The following NFATC2 variants were observed in gnomAD, a reference collection of about 807,000 sequenced individuals.
NFATC2 encodes nuclear factor of activated T cells 2, also known as nuclear factor of activated T-cells, cytoplasmic 2.
A neutral mutation model predicts 87.3 loss-of-function variants in NFATC2; 22 were observed. The observed-to-expected ratio is 0.25, with a 90% CI of 0.18 to 0.36. The LOEUF is 0.36. Ranked by LOEUF, NFATC2 falls within the 10% of genes least tolerant of loss-of-function variation. NFATC2 has a pLI of 1.00. For synonymous variants in NFATC2, 565 were observed against 542.2 expected (o/e 1.04, Z -0.58); for missense variants, 1,149 against 1,259.1 (o/e 0.91, Z 1.32).
At chr20:51,397,828 T>A (rs1987413766) in intron 10 of NFATC2, among the ~76,000 whole-genome samples, 1 of 152,200 alleles carries the variant, frequency 6.6e-6, no homozygotes, top group Non-Finnish European at 1.5e-5. Context: ...GGGCACTGTG[T>A]GTGCTGGTTT....
chr20:51,419,638 C>CCT (rs1980573183), intron 9 of NFATC2, among the ~76,000 whole-genome samples: 1 of 152,174 alleles, frequency 6.6e-6, no homozygotes, highest in Non-Finnish European at 1.5e-5. Flanking sequence ...GTTACAGCAG[C>CCT]CTCTACATCC....
rs764679291 is a variant in NFATC2 at position 51,542,544 on chromosome 20, C to A, written c.-45G>T. 4 of 1,341,762 alleles carry A rather than the reference C, an allele frequency of 3.0e-6. No individual in the cohort carries two copies. The Admixed American group carries it at 1.3e-4, about 42-fold the overall frequency. 83.1% of individuals were successfully genotyped at this position (1,341,762 alleles called of 1,614,324 possible). ...CTGCGGGGCCGGGGGCGAGGGCGGG[C>A]GCGGCTGGCTCTGGGACCCCTCGCA... On this transcript the variant is annotated 5_prime_UTR_variant, in exon 1 of 11. Coordinates refer to ENST00000371564, the MANE Select transcript of NFATC2 (RefSeq NM_012340.5).
intron 5 of NFATC2, 41 bp downstream of exon 5, chr20:51,473,939 A>G (rs1400030142): frequency 8.1e-6 from 13 of 1,602,184 alleles, no homozygotes; most frequent in Non-Finnish European, 1.1e-5. Context: ...CACGTGCCCT[A>G]CGCTTTCTGA....
At chr20:51,539,372 C>G (rs1465163604) in intron 1 of NFATC2, among the ~76,000 whole-genome samples, 1 of 152,184 alleles carries the variant, frequency 6.6e-6, no homozygotes, top group East Asian at 1.9e-4. Flanking sequence ...TCCCACCATA[C>G]AGAAGCAAAG....
intron 9 of NFATC2, among the ~76,000 whole-genome samples, chr20:51,421,853 T>C (rs1414670346): frequency 6.6e-6 from 1 of 150,670 alleles, no homozygotes; most frequent in Non-Finnish European, 1.5e-5. Flanking sequence ...TTCCAAGTGC[T>C]GAAGCAGACC....
rs755462839 is a variant in NFATC2 at position 51,524,099 on chromosome 20, C to T, written c.142G>A (p.Ala48Thr). ...GAGGGTGGGCTGGCGACCTTATGTG[C>T]ATTCGGCTCTTCTGGAAAGAGAAGG... The part of the protein sequence containing the change: ...YLNPNEEEPN[A>T]HKVASPPSGP... Residue 48 changes from alanine (A) to threonine (T), a missense_variant, in exon 2 of 11, where the codon GCA (alanine) becomes ACA (threonine). By Grantham distance (58) the Ala-to-Thr change is moderately conservative. Coordinates refer to ENST00000371564, the MANE Select transcript of NFATC2 (RefSeq NM_012340.5). This position sits in a 1 kb window ranked among gnomAD's most constrained non-coding sequence, Gnocchi z 4.0. The T allele has an allele frequency of 1.4e-6, 2 of 1,460,226 alleles. No homozygotes were observed. The highest frequency in any genetic ancestry group is 1.8e-6 in the Non-Finnish European group (2 of 1,108,942). 90.5% of individuals were successfully genotyped at this position (1,460,226 alleles called of 1,614,324 possible).
intron 9 of NFATC2, among the ~76,000 whole-genome samples, chr20:51,410,551 G>A (rs929258581): frequency 6.9e-6 from 1 of 145,192 alleles, no homozygotes; most frequent in Admixed American, 6.8e-5. Flanking sequence ...AGGAAGAGAG[G>A]GAGAGAAAGA....
intron 3 of NFATC2, among the ~76,000 whole-genome samples, chr20:51,491,918 A>C (rs1467617284): frequency 6.3e-4 from 57 of 89,992 alleles, no homozygotes; most frequent in Middle Eastern, 6.4e-3. Context: ...ACACACACAC[A>C]CCCCTTGCCC....
At chr20:51,514,854 C>T (rs2076326385) in intron 3 of NFATC2, among the ~76,000 whole-genome samples, 1 of 152,188 alleles carries the variant, frequency 6.6e-6, no homozygotes, top group Non-Finnish European at 1.5e-5. Context: ...GCCTGTGTGA[C>T]AGAGTGATAG....
chr20:51,432,392 G>A lies in NFATC2; in HGVS notation c.2397C>T (p.His799=), dbSNP rs775340355. The change falls in exon 9 of 11, where the codon CAC becomes CAT. Residue 799 remains histidine, a synonymous_variant. Coordinates refer to ENST00000371564, the MANE Select transcript of NFATC2 (RefSeq NM_012340.5). The surrounding 1 kb of genome is among the most constrained non-coding windows in gnomAD (Gnocchi z 4.6). ...AGGCCTGCTGGTTGGTCGGAGAGGG[G>A]TGGAGCAGGGCTGAGCTCTGGCCCT... The part of the protein sequence containing the change: ...GSQGQSSALL[H]PSPTNQQASP... The A allele has an allele frequency of 2.5e-6, 4 of 1,608,452 alleles. No individual in the cohort carries two copies. The East Asian group carries it at 6.7e-5, about 27-fold the overall frequency.
At chr20:51,403,709 T>G (rs536685809) in intron 9 of NFATC2, among the ~76,000 whole-genome samples, 2 of 152,128 alleles carry the variant, frequency 1.3e-5, no homozygotes, top group Middle Eastern at 3.4e-3. Context: ...GAGAACACAA[T>G]GGGAGAAAAG....
chr20:51,426,980 T>C (rs1017311214), intron 9 of NFATC2, among the ~76,000 whole-genome samples: 2 of 152,186 alleles, frequency 1.3e-5, no homozygotes, highest in Non-Finnish European at 2.9e-5. Context: ...CACACATCAA[T>C]ATACTCTCTC....
In NFATC2 at chr20:51,523,993, G is replaced by A. The variant is rs755934652; in HGVS notation, c.248C>T (p.Pro83Leu). 2 of 1,570,648 alleles carry A rather than the reference G, an allele frequency of 1.3e-6. No homozygotes were observed. Among genetic ancestry groups the A allele is most frequent in the Non-Finnish European group, 1.7e-6 (2 of 1,163,942 alleles). ...CCTATCCGGCTCTCCGAATCGGCCG[G>A]GGGGCTCGCCAGAGAGACTAGCAAG... ...SPLASLSGEP[P>L]GRFGEPDRVG... Residue 83 changes from proline to leucine, a missense_variant, in exon 2 of 11, where the codon CCC (proline) becomes CTC (leucine). Transcript: ENST00000371564. This position sits in a 1 kb window ranked among gnomAD's most constrained non-coding sequence, Gnocchi z 6.9.
intron 9 of NFATC2, among the ~76,000 whole-genome samples, chr20:51,429,727 T>C (rs1982412320): frequency 6.6e-6 from 1 of 152,112 alleles, no homozygotes; most frequent in African/African-American, 2.4e-5. Flanking sequence ...AACAAATAAT[T>C]AAACAAAAGC....
intron 10 of NFATC2, among the ~76,000 whole-genome samples, chr20:51,397,563 T>C (rs974135445): frequency 5.3e-5 from 8 of 152,146 alleles, no homozygotes; most frequent in African/African-American, 1.4e-4. Context: ...AGCACTGATA[T>C]TTTACTTGCA....
At chr20:51,441,888 T>C (rs1984399784) in intron 6 of NFATC2, among the ~76,000 whole-genome samples, 1 of 152,138 alleles carries the variant, frequency 6.6e-6, no homozygotes, top group East Asian at 1.9e-4. Flanking sequence ...CTGATTCCAG[T>C]AAAAAAGAAT....
intron 3 of NFATC2, among the ~76,000 whole-genome samples, chr20:51,514,882 A>C (rs369984741): frequency 2.0e-5 from 3 of 152,060 alleles, no homozygotes; most frequent in Non-Finnish European, 4.4e-5. Context: ...CAAAAAATAC[A>C]TATATATATT....
chr20:51,546,443 G>A (rs1459329342), upstream of NFATC2, among the ~76,000 whole-genome samples: 2 of 152,216 alleles, frequency 1.3e-5, no homozygotes, highest in African/African-American at 2.4e-5. Context: ...GAATGCATGA[G>A]CTTTATGCAT....
intron 3 of NFATC2, among the ~76,000 whole-genome samples, chr20:51,502,752 G>A (rs1383018507): frequency 1.3e-5 from 2 of 152,158 alleles, no homozygotes; most frequent in Non-Finnish European, 2.9e-5. Flanking sequence ...CAAAGGCAAG[G>A]TTTAATCAAT....
Sources: gnomAD v4.1 joint callset for allele counts (sites outside exome capture counted in the v4.1 genomes callset) on GRCh38, gnomAD v4.1.1 for gene constraint, Gnocchi (gnomAD v3.1) non-coding constraint, MANE v1.5 for transcripts, NCBI Gene and HGNC (gene_info 2026-07-23, HGNC 2026-07-21) for gene names.